Variants in ZNF732 observed in about 807,000 individuals in gnomAD.
The protein encoded by ZNF732 is zinc finger protein 732.
Under a neutral mutation model 11.5 loss-of-function variants are expected in ZNF732, and 12 were observed. The observed-to-expected ratio is 1.05, with a 90% CI of 0.67 to 1.70. The LOEUF (loss-of-function observed/expected upper bound fraction) is 1.70. ZNF732 is among the 40% of genes most tolerant of loss of function. The pLI is 0.00. For missense variants in ZNF732, 702 were observed against 676.9 expected, an observed-to-expected ratio of 1.04 and a Z score of -0.41; for synonymous variants, 231 against 236.5, an observed-to-expected ratio of 0.98 and a Z score of 0.21.
intron 1 of ZNF732, among the ~76,000 whole-genome samples, chr4:304,574 C>CA (rs1285948077): frequency 5.3e-5 from 8 of 150,264 alleles, no homozygotes; most frequent in Non-Finnish European, 1.2e-4. Context: ...CTGCCCCCCC[C>CA]CTGCAGACGG....
intron 3 of ZNF732, among the ~76,000 whole-genome samples, chr4:278,733 A>G (rs6837796): frequency 0.26 from 39,232 of 152,054 alleles, 5,260 homozygotes; most frequent in South Asian, 0.38. Context: ...GTCCCAGACC[A>G]TGCCGAAGCT....
intron 3 of ZNF732, among the ~76,000 whole-genome samples, chr4:291,309 T>C (rs1553841317): frequency 6.6e-6 from 1 of 152,198 alleles, no homozygotes; most frequent in Admixed American, 6.5e-5. Context: ...CTCGAACTCC[T>C]GTGCTCAAGT....
intron 3 of ZNF732, among the ~76,000 whole-genome samples, chr4:274,537 T>C (rs1319165518): frequency 6.6e-6 from 1 of 151,636 alleles, no homozygotes; most frequent in Non-Finnish European, 1.5e-5. Context: ...CAAATATTTA[T>C]GAAGTAAAGT....
intron 1 of ZNF732, among the ~76,000 whole-genome samples, chr4:302,865 C>G (rs1270004494): frequency 6.6e-6 from 1 of 152,172 alleles, no homozygotes; most frequent in South Asian, 2.1e-4. Flanking sequence ...TCTACTAACC[C>G]TGTTTTTAGA....
At chr4:304,650 A>ACCCTCCTCAAGTT (rs1455688376) in intron 1 of ZNF732, among the ~76,000 whole-genome samples, 5 of 151,846 alleles carry the variant, frequency 3.3e-5, no homozygotes, top group African/African-American at 1.2e-4. Context: ...GGGCGCCCAC[A>ACCCTCCTCAAGTT]CCCTCCTCAA....
chr4:285,339 A>G (rs1719711397), intron 3 of ZNF732, among the ~76,000 whole-genome samples: 1 of 152,220 alleles, frequency 6.6e-6, no homozygotes, highest in African/African-American at 2.4e-5. Flanking sequence ...TAAGATGGTC[A>G]GGTGATCCAG....
intron 3 of ZNF732, among the ~76,000 whole-genome samples, chr4:294,333 C>G (rs1719902697): frequency 6.6e-6 from 1 of 152,192 alleles, no homozygotes. Flanking sequence ...TACGTTGCTT[C>G]ACTTCGTTTC....
At chr4:279,396 A>G (rs1719569920) in intron 3 of ZNF732, among the ~76,000 whole-genome samples, 2 of 151,804 alleles carry the variant, frequency 1.3e-5, no homozygotes, top group South Asian at 2.1e-4. Context: ...CAGTGAGCCA[A>G]TATCACGCCA....
In ZNF732 at chr4:305,360, C is replaced by A; in HGVS notation, c.-50G>T. ...AGTCTCAGCTACGAATCATCCAATACCCGCAGGTCACAGAGCGACGGAGGC... is the reference window on the plus strand; with the variant it reads ...AGTCTCAGCTACGAATCATCCAATAACCGCAGGTCACAGAGCGACGGAGGC... On this transcript the variant is annotated 5_prime_UTR_variant, in exon 1 of 4. Coordinates refer to ENST00000419098, the MANE Select transcript of ZNF732 (RefSeq NM_001137608.3). 1 of 1,606,094 alleles carries A rather than the reference C, an allele frequency of 6.2e-7. No individual in the cohort carries two copies. Among genetic ancestry groups the A allele is most frequent in the Non-Finnish European group, 8.5e-7 (1 of 1,179,484 alleles).
At chr4:278,858 C>G (rs1181093464) in intron 3 of ZNF732, among the ~76,000 whole-genome samples, 3 of 152,154 alleles carry the variant, frequency 2.0e-5, no homozygotes, top group Non-Finnish European at 4.4e-5. Flanking sequence ...GTGTCTGACT[C>G]TGGAGCCCAG....
At position 299,560 on chromosome 4, in the gene ZNF732, TA is replaced by T. The variant is rs1553843296; in HGVS notation, c.4-3406del. Among the ~76,000 whole-genome samples, 49 of 139,678 alleles carry T rather than the reference TA, an allele frequency of 3.5e-4. 1 individual carries two copies. Among genetic ancestry groups the T allele is most frequent in the African/African-American group, 1.3e-3 (48 of 37,796 alleles). 91.6% of individuals were successfully genotyped at this position (139,678 alleles called of 152,430 possible). On this transcript the variant is annotated intron_variant, in intron 1 of 3. Coordinates refer to ENST00000419098, the MANE Select transcript of ZNF732 (RefSeq NM_001137608.3). ...ATATATACACATATATATGTATATA[TA>T]TAGTTTTATATATATAATTTATATA...
In ZNF732 at chr4:286,444, C is replaced by G. The variant is rs567108082; in HGVS notation, c.226+8994G>C. On this transcript the variant is annotated intron_variant, in intron 3 of 3. Transcript: ENST00000419098. ...CTTAATAAAGACAATTTTGAATATA[C>G]AAATAAATATTATTCAGCTTCTTAA... Among the ~76,000 whole-genome samples, 377 of 152,282 alleles carry G rather than the reference C, an allele frequency of 2.5e-3. 3 individuals are homozygous for G. The highest frequency in any genetic ancestry group is 4.2e-3 in the Non-Finnish European group (286 of 68,006).
At chr4:300,492 T>C (rs1347635850) in intron 1 of ZNF732, among the ~76,000 whole-genome samples, 1 of 143,780 alleles carries the variant, frequency 7.0e-6, no homozygotes, top group Non-Finnish European at 1.5e-5. Flanking sequence ...AAAGAAAAAA[T>C]TATAGCCATT....
At chr4:297,273 A>AAG (rs376115238) in intron 1 of ZNF732, among the ~76,000 whole-genome samples, 7,795 of 152,002 alleles carry the variant, frequency 0.051, 299 homozygotes, top group African/African-American at 0.1. Flanking sequence ...TCAAAAAAAA[A>AAG]AAAAACAACA....
At chr4:299,713 A>C (rs1388130216) in intron 1 of ZNF732, among the ~76,000 whole-genome samples, 3 of 141,710 alleles carry the variant, frequency 2.1e-5, no homozygotes, top group Non-Finnish European at 3.0e-5. Context: ...TTTTTTTTAA[A>C]GAGATGGAGT....
intron 3 of ZNF732, among the ~76,000 whole-genome samples, chr4:278,201 TCAA>T (rs1233322245): frequency 3.3e-5 from 5 of 152,078 alleles, no homozygotes; most frequent in African/African-American, 1.2e-4. Flanking sequence ...GCAACTAGTC[TCAA>T]CAATAACTTT....
intron 3 of ZNF732, among the ~76,000 whole-genome samples, 181 bp downstream of exon 3, chr4:295,257 T>C (rs111551553): frequency 5.3e-5 from 8 of 152,182 alleles, no homozygotes; most frequent in African/African-American, 1.7e-4. Context: ...AAAAGAGAAT[T>C]CTTAGATTTA....
intron 3 of ZNF732, among the ~76,000 whole-genome samples, chr4:294,071 A>G (rs1553841800): frequency 3.3e-5 from 5 of 152,206 alleles, no homozygotes; most frequent in Non-Finnish European, 7.3e-5. Flanking sequence ...GCATGATCTC[A>G]GCTCAGTGCA....
chr4:300,290 G>A (rs1233293375), intron 1 of ZNF732, among the ~76,000 whole-genome samples: 1 of 150,274 alleles, frequency 6.7e-6, no homozygotes, highest in Non-Finnish European at 1.5e-5. Flanking sequence ...GTGAAACCCC[G>A]TCTCAGCTAA....
Sources: allele counts gnomAD v4.1 joint callset (sites outside exome capture counted in the v4.1 genomes callset), GRCh38; gene constraint gnomAD v4.1.1; transcripts MANE v1.5; gene names NCBI Gene and HGNC (gene_info 2026-07-23, HGNC 2026-07-21).